The following SLC36A1 variants were observed in gnomAD, a reference collection of about 807,000 sequenced individuals.
The protein encoded by SLC36A1 is proton-coupled amino acid transporter 1.
A neutral mutation model predicts 47.5 loss-of-function variants in SLC36A1; 30 were observed. The ratio of observed to expected loss-of-function variants is 0.63; its 90% CI spans 0.47 to 0.86. SLC36A1 has a LOEUF of 0.86. SLC36A1 is among the 40% of genes least tolerant of loss of function. SLC36A1 has a pLI of 0.00. For synonymous variants in SLC36A1, 255 were observed against 249.7 expected, an observed-to-expected ratio of 1.02 and a Z score of -0.20; for missense variants, 517 against 606.0, an observed-to-expected ratio of 0.85 and a Z score of 1.54.
the SLC36A1 span, among the ~76,000 whole-genome samples, chr5:151,391,394 T>A: frequency 6.6e-6 from 1 of 152,150 alleles, no homozygotes; most frequent in Non-Finnish European, 1.5e-5. Context: ...ACCCTTTATT[T>A]CTTTCTCCTG....
chr5:151,480,199 T>C, intron 10 of SLC36A1: 1 of 571,042 alleles, frequency 1.8e-6, no homozygotes, highest in Non-Finnish European at 2.7e-6. Flanking sequence ...TGATAATAGC[T>C]AATTTAAGTT....
intron 1 of SLC36A1, among the ~76,000 whole-genome samples, chr5:151,456,389 C>G: frequency 6.6e-6 from 1 of 152,112 alleles, no homozygotes; most frequent in South Asian, 2.1e-4. Context: ...TAGTTTATGC[C>G]CCATGCTTTT....
At chr5:151,545,701 G>A in the SLC36A1 span, 1 of 1,614,104 alleles carries the variant, frequency 6.2e-7, no homozygotes, top group Admixed American at 1.7e-5. Flanking sequence ...AAACTTCAAG[G>A]CCTCCGGCTC....
the SLC36A1 span, among the ~76,000 whole-genome samples, chr5:151,404,084 A>T: frequency 6.6e-6 from 1 of 152,208 alleles, no homozygotes; most frequent in Non-Finnish European, 1.5e-5. Flanking sequence ...TGTTATATGA[A>T]TCCAGGTGCT....
chr5:151,485,891 A>G (rs952616047), intron 10 of SLC36A1, among the ~76,000 whole-genome samples: 3 of 152,190 alleles, frequency 2.0e-5, no homozygotes, highest in African/African-American at 4.8e-5. Flanking sequence ...GTGTGAATGA[A>G]GAACAGGATT....
At chr5:151,442,859 G>GA (rs1343156984), upstream of SLC36A1, among the ~76,000 whole-genome samples, 31 of 151,534 alleles carry the variant, frequency 2.0e-4, no homozygotes, top group Non-Finnish European at 7.4e-5. Flanking sequence ...TATTTGACTT[G>GA]AAAAAAAAGA....
At chr5:151,454,955 A>G (rs772164759) in intron 1 of SLC36A1, among the ~76,000 whole-genome samples, 3 of 152,236 alleles carry the variant, frequency 2.0e-5, no homozygotes, top group Non-Finnish European at 4.4e-5. Context: ...GAACCTTCTC[A>G]GTGCTTTCAA....
the SLC36A1 span, among the ~76,000 whole-genome samples, chr5:151,408,364 T>G: frequency 6.6e-6 from 1 of 152,164 alleles, no homozygotes; most frequent in African/African-American, 2.4e-5. Flanking sequence ...AATTTTTGTA[T>G]TTTTAATAGT....
the SLC36A1 span, among the ~76,000 whole-genome samples, chr5:151,413,642 T>A: frequency 5.9e-5 from 9 of 152,186 alleles, no homozygotes; most frequent in African/African-American, 2.2e-4. Flanking sequence ...TATGGAGACC[T>A]TTTATATTTT....
At chr5:151,422,581 A>G in the SLC36A1 span, among the ~76,000 whole-genome samples, 2 of 152,082 alleles carry the variant, frequency 1.3e-5, no homozygotes, top group African/African-American at 2.4e-5. Context: ...TTAAAAAATT[A>G]GCTGGGCATG....
At chr5:151,505,383 T>G in the SLC36A1 span, 4 of 705,998 alleles carry the variant, frequency 5.7e-6, no homozygotes, top group African/African-American at 7.2e-5. Flanking sequence ...TATCCTCAGC[T>G]TCCCTCCACC....
At chr5:151,441,381 A>G (rs1172383909) in intron 1 of SLC36A1, among the ~76,000 whole-genome samples, 2 of 152,232 alleles carry the variant, frequency 1.3e-5, no homozygotes, top group Non-Finnish European at 2.9e-5. Flanking sequence ...GTTGTATTTA[A>G]TGTATGTTAA....
chr5:151,512,060 A>T, the SLC36A1 span: 1 of 1,070,290 alleles, frequency 9.3e-7, no homozygotes, highest in Non-Finnish European at 1.3e-6. This position sits in a 1 kb window ranked among gnomAD's most constrained non-coding sequence, Gnocchi z 4.1. Flanking sequence ...AAGAGAGAGA[A>T]ATTTGGAACC....
chr5:151,544,458 A>G, the SLC36A1 span: 1 of 1,614,138 alleles, frequency 6.2e-7, no homozygotes, highest in South Asian at 1.1e-5. Flanking sequence ...CTGTTAGGAC[A>G]CCAGTCTTGA....
At chr5:151,367,361 A>ATTTTTTTTTTTTT in the SLC36A1 span, among the ~76,000 whole-genome samples, 810 of 118,786 alleles carry the variant, frequency 6.8e-3, 15 homozygotes, top group African/African-American at 0.027. Flanking sequence ...CCAGGAATGC[A>ATTTTTTTTTTTTT]TTTTTTTTTT....
At chr5:151,525,685 T>C in the SLC36A1 span, 1 of 1,499,018 alleles carries the variant, frequency 6.7e-7, no homozygotes, top group Non-Finnish European at 9.3e-7. Flanking sequence ...ATTTTTTCCC[T>C]AATGACAGAA....
the SLC36A1 span, among the ~76,000 whole-genome samples, chr5:151,413,517 A>G: frequency 6.6e-6 from 1 of 152,184 alleles, no homozygotes; most frequent in African/African-American, 2.4e-5. Context: ...ATGTTTGAAT[A>G]TTTATGAAAA....
intron 9 of SLC36A1, 76 bp from the exon 10 acceptor site, chr5:151,479,244 G>A: frequency 6.7e-7 from 1 of 1,491,988 alleles, no homozygotes; most frequent in Non-Finnish European, 9.2e-7. Context: ...AATCGCAATG[G>A]GACCATTTTG....
At position 151,490,466 on chromosome 5, in the gene SLC36A1, C is replaced by G. The variant is rs979192040; in HGVS notation, c.*2212C>G. On this transcript the variant is annotated 3_prime_UTR_variant, in exon 11 of 11. Transcript: ENST00000243389. ...GGACGTTTCTGTTTACTCAGAGCTG[C>G]TAGAGACCATCCTGCCCATCCGAGT... 6.6e-6 allele frequency: 1 copy of G among 152,318 alleles called. No individual in the cohort carries two copies. Among genetic ancestry groups the G allele is most frequent in the Non-Finnish European group, 1.5e-5 (1 of 68,134 alleles). The allele number at this position is 152,318 out of a possible 1,614,324, so 9.4% of individuals were successfully genotyped here. A position where few individuals can be genotyped will look rare whatever the true frequency, so the allele number is the denominator to read the frequency against.
Sources: allele counts gnomAD v4.1 joint callset (sites outside exome capture counted in the v4.1 genomes callset), GRCh38; gene constraint gnomAD v4.1.1; non-coding constraint Gnocchi (gnomAD v3.1); transcripts MANE v1.5; gene names NCBI Gene and HGNC (gene_info 2026-07-23, HGNC 2026-07-21).